The following TRIM63 variants were observed in gnomAD, a reference collection of about 807,000 sequenced individuals.
TRIM63 encodes E3 ubiquitin-protein ligase TRIM63.
Under a neutral mutation model 46.0 loss-of-function variants are expected in TRIM63, and 48 were observed. That is an observed-to-expected ratio of 1.04 (90% confidence interval 0.83 to 1.33). The LOEUF is 1.33. Ranked by LOEUF, TRIM63 falls within the 40% of genes most tolerant of loss-of-function variation. TRIM63 has a pLI of 0.00. For synonymous variants in TRIM63, 175 were observed against 162.8 expected, an observed-to-expected ratio of 1.08 and a Z score of -0.57; for missense variants, 455 against 441.2, an observed-to-expected ratio of 1.03 and a Z score of -0.28.
chr1:26,055,661 A>G (rs2050564240), intron 7 of TRIM63, among the ~76,000 whole-genome samples: 1 of 151,946 alleles, frequency 6.6e-6, no homozygotes, highest in Non-Finnish European at 1.5e-5. Flanking sequence ...ACAGGCATGC[A>G]CCACCATGCC....
chr1:26,059,159 G>A (rs949196421), intron 4 of TRIM63, among the ~76,000 whole-genome samples: 10 of 151,792 alleles, frequency 6.6e-5, no homozygotes, highest in Non-Finnish European at 1.5e-4. Context: ...CGAGTAGCTG[G>A]GATTATAGAT....
At chr1:26,059,669 C>T (rs1569736855) in intron 4 of TRIM63, among the ~76,000 whole-genome samples, 1 of 152,158 alleles carries the variant, frequency 6.6e-6, no homozygotes, top group African/African-American at 2.4e-5. Flanking sequence ...GACCCCTTCC[C>T]CTCATCTCAT....
At chr1:26,052,921 C>G (rs1056387062) in intron 8 of TRIM63, among the ~76,000 whole-genome samples, 2 of 152,112 alleles carry the variant, frequency 1.3e-5, no homozygotes, top group African/African-American at 2.4e-5. Context: ...TAAAAAAAAC[C>G]TAATTTTAAA....
intron 7 of TRIM63, among the ~76,000 whole-genome samples, chr1:26,054,318 T>A (rs776971481): frequency 6.6e-6 from 1 of 152,232 alleles, no homozygotes; most frequent in Non-Finnish European, 1.5e-5. Context: ...AAACATTGCC[T>A]GAGGAGGAAA....
At chr1:26,054,698 C>T (rs968546065) in intron 7 of TRIM63, among the ~76,000 whole-genome samples, 1 of 152,078 alleles carries the variant, frequency 6.6e-6, no homozygotes, top group Non-Finnish European at 1.5e-5. Context: ...CAGGCTTGGT[C>T]GCTCACACCT....
chr1:26,065,472 C>G lies in TRIM63; in HGVS notation c.332+796G>C, dbSNP rs79724312. 2.5e-3 allele frequency among the ~76,000 whole-genome samples: 377 copies of G among 152,300 alleles called. 3 individuals carry two copies. The highest frequency in any genetic ancestry group is 8.4e-3 in the African/African-American group (350 of 41,560). On this transcript the variant is annotated intron_variant, in intron 2 of 8. Transcript: ENST00000374272. ...TACAGGCATGCCCCACCACGCCCAG[C>G]TAGTTTTTAAACTTTGTAGAAACAG...
At chr1:26,064,766 C>T (rs1222034624) in intron 2 of TRIM63, among the ~76,000 whole-genome samples, 1 of 152,220 alleles carries the variant, frequency 6.6e-6, no homozygotes, top group Non-Finnish European at 1.5e-5. Context: ...AAGGCTTACC[C>T]AGCATGGTAC....
chr1:26,054,834 G>A (rs1252599650), intron 7 of TRIM63, among the ~76,000 whole-genome samples: 1 of 151,960 alleles, frequency 6.6e-6, no homozygotes, highest in Admixed American at 6.6e-5. Context: ...TGGGTGTGGT[G>A]GCATGCACCT....
chr1:26,061,868 G>C (rs2050629282), intron 2 of TRIM63, among the ~76,000 whole-genome samples: 1 of 152,180 alleles, frequency 6.6e-6, no homozygotes, highest in African/African-American at 2.4e-5. Context: ...CTACCAGACT[G>C]TAACCTCCAT....
rs60719420 is a variant in TRIM63 at position 26,054,968 on chromosome 1, C to CAA, written c.980-1006_980-1005dup. On this transcript the variant is annotated intron_variant, in intron 7 of 8. Transcript: ENST00000374272. ...GGGCGACAAGAGCAAAACTCCGTCT[C>CAA]AAAAAAAAAAAAAAAAAATAGTATC... Among the ~76,000 whole-genome samples the CAA allele has an allele frequency of 5.8e-3, 565 of 97,418 alleles. 4 individuals carry two copies. Among genetic ancestry groups the CAA allele is most frequent in the African/African-American group, 0.017 (449 of 26,152 alleles). 63.9% of individuals were successfully genotyped at this position (97,418 alleles called of 152,430 possible).
intron 5 of TRIM63, among the ~76,000 whole-genome samples, chr1:26,058,170 A>G (rs1393707974): frequency 6.6e-6 from 1 of 152,182 alleles, no homozygotes. Flanking sequence ...TGCAGCTTAC[A>G]AAGTCATTTC....
At chr1:26,051,931 A>G in intron 8 of TRIM63, 48 bp from the exon 9 acceptor site, 1 of 1,305,534 alleles carries the variant, frequency 7.7e-7, no homozygotes, top group Non-Finnish European at 9.8e-7. Flanking sequence ...ACAGGGACTC[A>G]GGAGGATCCA....
chr1:26,066,513 C>A, intron 1 of TRIM63, 73 bp from the exon 2 acceptor site: 1 of 1,384,540 alleles, frequency 7.2e-7, no homozygotes, highest in Non-Finnish European at 9.5e-7. Flanking sequence ...CTCCTCTTAT[C>A]CTTTCCTCTG....
chr1:26,054,785 G>A (rs1057482977), intron 7 of TRIM63, among the ~76,000 whole-genome samples: 1 of 152,022 alleles, frequency 6.6e-6, no homozygotes, highest in Non-Finnish European at 1.5e-5. Context: ...TGGCCAACAT[G>A]GTAAAACCCT....
In TRIM63 at chr1:26,057,623, C is replaced by T. The variant is rs1338663907; in HGVS notation, c.854+5G>A. On this transcript the variant is annotated splice_donor_5th_base_variant and intron_variant, in intron 6 of 8. Coordinates refer to ENST00000374272, the MANE Select transcript of TRIM63 (RefSeq NM_032588.4). ...TTGGATCATAGCCTCTAGGAAGACA[C>T]TGACCTTTTGATGAGTTGCTTGGCA... 2 of 1,610,412 alleles carry T rather than the reference C, an allele frequency of 1.2e-6. No homozygotes were observed. Among genetic ancestry groups the T allele is most frequent in the African/African-American group, 2.7e-5 (2 of 74,824 alleles).
In TRIM63 at chr1:26,057,197, C is replaced by A. The variant is rs780092083; in HGVS notation, c.979+6G>T. On this transcript the variant is annotated splice_donor_region_variant and intron_variant, in intron 7 of 8. Coordinates refer to ENST00000374272, the MANE Select transcript of TRIM63 (RefSeq NM_032588.4). ...AATAGACAAGTGGCATCACCACCTC[C>A]TTTACCTGTCCCAAAGTCAATGGCT... 8 of 1,613,982 alleles carry A rather than the reference C, an allele frequency of 5.0e-6. No homozygotes were observed. Among genetic ancestry groups the A allele is most frequent in the Non-Finnish European group, 6.8e-6 (8 of 1,179,980 alleles).
At position 26,057,422 on chromosome 1, in the gene TRIM63, C is replaced by T. The variant is rs2050583296; in HGVS notation, c.855-95G>A. 7.9e-6 allele frequency: 12 copies of T among 1,515,806 alleles called. No homozygotes were observed. The East Asian group carries it at 2.0e-4, about 26-fold the overall frequency. The allele number at this position is 1,515,806 out of a possible 1,614,324, so 93.9% of individuals were successfully genotyped here. A position where few individuals can be genotyped will look rare whatever the true frequency, so the allele number is the denominator to read the frequency against. ...GCTTTGCCACGCCCAGGCCTTCTACCCAGAGGCTCCCCTGGAGGGATGGAG... is the reference window on the plus strand; with the variant it reads ...GCTTTGCCACGCCCAGGCCTTCTACTCAGAGGCTCCCCTGGAGGGATGGAG... On this transcript the variant is annotated intron_variant, in intron 6 of 8. Coordinates refer to ENST00000374272, the MANE Select transcript of TRIM63 (RefSeq NM_032588.4).
In TRIM63 at chr1:26,066,367, C is replaced by T; in HGVS notation, c.233G>A (p.Cys78Tyr). The T allele has an allele frequency of 6.2e-7, 1 of 1,613,750 alleles. No individual in the cohort carries two copies. Among genetic ancestry groups the T allele is most frequent in the Non-Finnish European group, 8.5e-7 (1 of 1,179,768 alleles). ...ACGATCCATGATCACCTCGTGGCGG[C>T]AGGTGGGGCAGCGGAAACGGCCTCC... ...MSGGRFRCPT[C>Y]RHEVIMDRHG... Residue 78 changes from cysteine (C) to tyrosine (Y), a missense_variant, in exon 2 of 9, where the codon TGC becomes TAC. Physicochemically the swap from Cys to Tyr is radical, Grantham distance 194. Transcript: ENST00000374272.
chr1:26,065,113 T>C (rs1157528141), intron 2 of TRIM63, among the ~76,000 whole-genome samples: 1 of 150,002 alleles, frequency 6.7e-6, no homozygotes, highest in Non-Finnish European at 1.5e-5. Context: ...AACCTCCGCC[T>C]CCCTTGTTCA....
Sources: allele counts gnomAD v4.1 joint callset (sites outside exome capture counted in the v4.1 genomes callset), GRCh38; gene constraint gnomAD v4.1.1; transcripts MANE v1.5; gene names NCBI Gene and HGNC (gene_info 2026-07-23, HGNC 2026-07-21).